The following CPED1 variants were observed in gnomAD, a reference collection of about 807,000 sequenced individuals.
CPED1 encodes cadherin-like and PC-esterase domain-containing protein 1.
Under a neutral mutation model 128.2 loss-of-function variants are expected in CPED1, and 114 were observed. The observed-to-expected ratio is 0.89, with a 90% CI of 0.76 to 1.04. The LOEUF (loss-of-function observed/expected upper bound fraction) is 1.04. CPED1 is among the 50% of genes least tolerant of loss of function. The pLI, the probability that CPED1 is intolerant of heterozygous loss-of-function variation, is 0.00. For synonymous variants in CPED1, 462 were observed against 426.7 expected (o/e 1.08, Z -1.02); for missense variants, 1,211 against 1,207.1 (o/e 1.00, Z -0.05).
chr7:121,138,724 G>A (rs1795834824), intron 14 of CPED1, among the ~76,000 whole-genome samples: 1 of 151,782 alleles, frequency 6.6e-6, no homozygotes, highest in African/African-American at 2.4e-5. Flanking sequence ...GTTTTATTTT[G>A]AAAAAAGATC....
chr7:121,268,969 C>T (rs765135065), intron 21 of CPED1, among the ~76,000 whole-genome samples: 11 of 151,864 alleles, frequency 7.2e-5, no homozygotes, highest in Non-Finnish European at 1.5e-4. Flanking sequence ...CTGTCTGTCT[C>T]CTCTGCTGGA....
chr7:121,052,719 T>A (rs188500304), intron 4 of CPED1, among the ~76,000 whole-genome samples: 2 of 152,218 alleles, frequency 1.3e-5, no homozygotes, highest in Admixed American at 6.5e-5. Flanking sequence ...TTTTAAAAAT[T>A]TAAATTTTTA....
intron 7 of CPED1, among the ~76,000 whole-genome samples, chr7:121,110,731 C>G (rs1316838836): frequency 3.3e-5 from 5 of 152,096 alleles, no homozygotes; most frequent in East Asian, 1.9e-4. Flanking sequence ...AGGGATGCCT[C>G]TAAAAGATAG....
In CPED1 at chr7:121,164,908, A is replaced by G. The variant is rs371078465; in HGVS notation, c.2055+22767A>G. Among the ~76,000 whole-genome samples, 37 of 152,276 alleles carry G rather than the reference A, an allele frequency of 2.4e-4. 1 individual carries two copies. Among genetic ancestry groups the G allele is most frequent in the Admixed American group, 7.2e-4 (11 of 15,294 alleles). ...CCCAAAACTTGACTTCTAGTCCTATATTGTTCACTCTGTATTCTTTATGAC... is the reference window on the plus strand; with the variant it reads ...CCCAAAACTTGACTTCTAGTCCTATGTTGTTCACTCTGTATTCTTTATGAC... On this transcript the variant is annotated intron_variant, in intron 16 of 22. Coordinates refer to ENST00000310396, the MANE Select transcript of CPED1 (RefSeq NM_024913.5).
At chr7:121,233,408 G>T (rs1382017947) in intron 16 of CPED1, among the ~76,000 whole-genome samples, 2 of 152,050 alleles carry the variant, frequency 1.3e-5, no homozygotes, top group Non-Finnish European at 2.9e-5. Flanking sequence ...TGTTAGCTGG[G>T]CACAGTAGCA....
intron 7 of CPED1, among the ~76,000 whole-genome samples, chr7:121,117,077 T>TTATATATATATATATATATATAAATA (rs1180937780): frequency 3.1e-5 from 4 of 128,802 alleles, no homozygotes; most frequent in African/African-American, 1.2e-4. Flanking sequence ...TATATACACA[T>TTATATATATATATATATATATAAATA]TATATATATA....
At chr7:121,248,559 A>G (rs1798592905) in intron 18 of CPED1, among the ~76,000 whole-genome samples, 1 of 151,576 alleles carries the variant, frequency 6.6e-6, no homozygotes. Context: ...TGCCACACCA[A>G]AAAGATTTTG....
intron 16 of CPED1, among the ~76,000 whole-genome samples, chr7:121,158,450 C>G (rs1296199636): frequency 6.6e-6 from 1 of 152,158 alleles, no homozygotes; most frequent in Non-Finnish European, 1.5e-5. Context: ...ATAACCAGAG[C>G]ACAAATATTA....
intron 16 of CPED1, among the ~76,000 whole-genome samples, chr7:121,201,123 A>T (rs1273102719): frequency 6.6e-6 from 1 of 152,138 alleles, no homozygotes; most frequent in Non-Finnish European, 1.5e-5. Flanking sequence ...GGAGGTGCAC[A>T]TCAGATGGGA....
chr7:121,064,634 A>G (rs1431757125), intron 5 of CPED1, among the ~76,000 whole-genome samples: 1 of 152,202 alleles, frequency 6.6e-6, no homozygotes, highest in Non-Finnish European at 1.5e-5. Flanking sequence ...TCAGTTATGT[A>G]ACACTTGGGG....
intron 16 of CPED1, among the ~76,000 whole-genome samples, chr7:121,164,414 G>A (rs951526538): frequency 5.4e-4 from 82 of 152,182 alleles, no homozygotes; most frequent in Non-Finnish European, 7.3e-5. Context: ...CACTTCTTTC[G>A]TTCCTCTCTT....
chr7:121,208,889 T>G (rs566316175), intron 16 of CPED1, among the ~76,000 whole-genome samples: 1 of 152,138 alleles, frequency 6.6e-6, no homozygotes, highest in East Asian at 1.9e-4. Context: ...TAGTTCACAG[T>G]CTGAATAATG....
chr7:121,213,617 A>G (rs1187324338), intron 16 of CPED1, among the ~76,000 whole-genome samples: 1 of 152,084 alleles, frequency 6.6e-6, no homozygotes, highest in Non-Finnish European at 1.5e-5. Flanking sequence ...GTGACTACAC[A>G]GAGCCATTAC....
intron 4 of CPED1, among the ~76,000 whole-genome samples, chr7:121,055,037 T>G (rs996751278): frequency 6.6e-6 from 1 of 152,218 alleles, no homozygotes; most frequent in African/African-American, 2.4e-5. Context: ...TAGCAGTTTA[T>G]TCCTTCTTAT....
At chr7:121,088,735 C>G (rs1253695379) in intron 5 of CPED1, among the ~76,000 whole-genome samples, 1 of 44,230 alleles carries the variant, frequency 2.3e-5, no homozygotes, top group Admixed American at 2.9e-4. Flanking sequence ...AGGTTAACTT[C>G]AAAAGTTAAA....
chr7:121,154,783 A>G (rs1394894618), intron 16 of CPED1, among the ~76,000 whole-genome samples: 1 of 152,142 alleles, frequency 6.6e-6, no homozygotes, highest in African/African-American at 2.4e-5. Flanking sequence ...TGACCTTGTG[A>G]TCCGCCCACC....
chr7:121,214,600 T>C (rs564320974), intron 16 of CPED1, among the ~76,000 whole-genome samples: 3 of 152,098 alleles, frequency 2.0e-5, no homozygotes, highest in South Asian at 4.1e-4. Context: ...GGCCTGTCTT[T>C]AGAGTATTTT....
chr7:121,108,880 A>T (rs1233037889), intron 7 of CPED1, among the ~76,000 whole-genome samples: 1 of 152,042 alleles, frequency 6.6e-6, no homozygotes, highest in East Asian at 1.9e-4. Flanking sequence ...AAAAATTAAG[A>T]CCTAAACTTT....
At chr7:121,269,641 G>T (rs1792195066) in intron 21 of CPED1, among the ~76,000 whole-genome samples, 1 of 151,932 alleles carries the variant, frequency 6.6e-6, no homozygotes. Flanking sequence ...TGTTTTGCAT[G>T]GCCTCACAAA....
Sources: allele counts gnomAD v4.1 joint callset (sites outside exome capture counted in the v4.1 genomes callset), GRCh38; gene constraint gnomAD v4.1.1; transcripts MANE v1.5; gene names NCBI Gene and HGNC (gene_info 2026-07-23, HGNC 2026-07-21).